The following ARHGAP33 variants were observed in gnomAD, a reference collection of about 807,000 sequenced individuals.
ARHGAP33 encodes rho GTPase-activating protein 33.
Under a neutral mutation model 126.2 loss-of-function variants are expected in ARHGAP33, and 57 were observed. The ratio of observed to expected loss-of-function variants is 0.45; its 90% CI spans 0.36 to 0.56. The LOEUF (loss-of-function observed/expected upper bound fraction) is 0.56. Among genes scored for constraint, ARHGAP33 ranks in the 20% least tolerant of loss-of-function variants. The probability of loss-of-function intolerance (pLI) is 0.00; values close to 1 mark genes in which losing one functional copy is unlikely to be tolerated. For synonymous variants in ARHGAP33, 711 were observed against 755.0 expected (o/e 0.94, Z 0.95); for missense variants, 1,500 against 1,748.3 (o/e 0.86, Z 2.53).
In ARHGAP33 at chr19:35,781,215, C is replaced by T. The variant is rs753227118; in HGVS notation, c.1048C>T (p.Arg350Trp). ...EAHGVVDGIY[R>W]LSGVSSNIQR... Reference sequence around the variant, plus strand: ...CCACGGGGTGGTGGATGGGATCTACCGGCTCTCAGGCGTGTCTTCCAACAT... The same window carrying T: ...CCACGGGGTGGTGGATGGGATCTACTGGCTCTCAGGCGTGTCTTCCAACAT... Residue 350 changes from arginine to tryptophan, a missense_variant, in exon 12 of 21, where the codon CGG becomes TGG. This residue lies in a region of ARHGAP33 where 281 missense variants were observed against 413.7 expected (regional missense o/e 0.68). Coordinates refer to ENST00000007510, the MANE Select transcript of ARHGAP33 (RefSeq NM_001366178.1). 6.2e-7 allele frequency: 1 copy of T among 1,614,082 alleles called. No homozygotes were observed. The highest frequency in any genetic ancestry group is 2.2e-5 in the East Asian group (1 of 44,870).
chr19:35,777,109 T>G (rs1046374648), intron 1 of ARHGAP33, among the ~76,000 whole-genome samples: 1 of 151,976 alleles, frequency 6.6e-6, no homozygotes, highest in African/African-American at 2.4e-5. Context: ...ACTGGAGAGG[T>G]AAACAGAAAT....
Position 35,787,814 on chromosome 19 carries a change from G to A in ARHGAP33, c.3249G>A (p.Glu1083=). 1.2e-6 allele frequency: 2 copies of A among 1,603,472 alleles called. No individual in the cohort carries two copies. The highest frequency in any genetic ancestry group is 8.5e-7 in the Non-Finnish European group (1 of 1,176,202). ...LGPPAPLDRG[E]NLYYEIGASE... is the part of the protein sequence containing the mutation. ...CCCCTGCACCACTCGACAGGGGAGA[G>A]AACCTGTACTATGAGATCGGGGCAA... The change falls in exon 21 of 21, where the codon GAG becomes GAA. Residue 1083 remains glutamate, a synonymous_variant. Transcript: ENST00000007510.
Position 35,780,804 on chromosome 19 carries a change from T to C in ARHGAP33, c.817T>C (p.Ser273Pro). ...CGIPAPQGIS[S>P]LTSAVPRPRG... is the part of the protein sequence containing the mutation. ...CATCCCGGCTCCCCAGGGTATCTCG[T>C]CTCTGACCTCAGGTAATAGAAATAG... Residue 273 changes from serine (S) to proline (P), a missense_variant, in exon 10 of 21, where the codon TCT becomes CCT. Coordinates refer to ENST00000007510, the MANE Select transcript of ARHGAP33 (RefSeq NM_001366178.1). 2 of 1,613,966 alleles carry C rather than the reference T, an allele frequency of 1.2e-6. No homozygotes were observed. Among genetic ancestry groups the C allele is most frequent in the Non-Finnish European group, 1.7e-6 (2 of 1,179,980 alleles).
Position 35,786,541 on chromosome 19 carries a change from T to A in ARHGAP33, c.2071T>A (p.Ser691Thr). Residue 691 changes from serine (S) to threonine (T), a missense_variant, in exon 20 of 21, where the codon TCC becomes ACC. Ser to Thr is a moderately conservative substitution (Grantham distance 58, BLOSUM62 1). Coordinates refer to ENST00000007510, the MANE Select transcript of ARHGAP33 (RefSeq NM_001366178.1). The surrounding 1 kb of genome is among the most constrained non-coding windows in gnomAD (Gnocchi z 7.0). ...SSSSESSSSE[S>T]SSSSSESSAA... ...CTCCTCCGAGTCCTCCTCCTCTGAG[T>A]CCTCCTCTTCCTCCTCTGAGTCCTC... The A allele has an allele frequency of 6.5e-7, 1 of 1,535,900 alleles. No individual in the cohort carries two copies. The highest frequency in any genetic ancestry group is 2.4e-5 in the East Asian group (1 of 40,888).
At chr19:35,777,328 A>G (rs2040161318) in intron 1 of ARHGAP33, among the ~76,000 whole-genome samples, 1 of 152,150 alleles carries the variant, frequency 6.6e-6, no homozygotes, top group Admixed American at 6.5e-5. Flanking sequence ...TTGTCTAGAC[A>G]GTGGTAGGAG....
At position 35,786,844 on chromosome 19, in the gene ARHGAP33, G is replaced by T; in HGVS notation, c.2374G>T (p.Ala792Ser). ...GCCCACCAGCCCCGCCTCGCCTGCT[G>T]CCCTAGACATCTCAGAGCCCCTGGC... is the stretch of plus-strand genomic sequence containing the variant. The part of the protein sequence containing the change: ...RGPTSPASPA[A>S]LDISEPLAVS... The change falls in exon 20 of 21, where the codon GCC becomes TCC. Residue 792 changes from alanine (A) to serine (S), a missense_variant. By Grantham distance (99) the Ala-to-Ser change is moderately conservative (BLOSUM62 1). This residue lies in a region of ARHGAP33 where 73 missense variants were observed against 110.8 expected (regional missense o/e 0.66). Transcript: ENST00000007510. The surrounding 1 kb of genome is among the most constrained non-coding windows in gnomAD (Gnocchi z 7.0). 1 of 1,585,556 alleles carries T rather than the reference G, an allele frequency of 6.3e-7. No individual in the cohort carries two copies.
At chr19:35,784,622 G>A (rs1353773342) in intron 16 of ARHGAP33, 13 of 481,906 alleles carry the variant, frequency 2.7e-5, no homozygotes, top group Non-Finnish European at 3.4e-5. Context: ...ACTTGACCCC[G>A]CCCCGGCCCC....
intron 1 of ARHGAP33, among the ~76,000 whole-genome samples, chr19:35,777,127 G>A (rs1343578677): frequency 6.6e-6 from 1 of 152,172 alleles, no homozygotes; most frequent in African/African-American, 2.4e-5. Flanking sequence ...AATCAGCTCA[G>A]GGAAGTCTCG....
intron 1 of ARHGAP33, among the ~76,000 whole-genome samples, chr19:35,776,730 C>A (rs949918013): frequency 2.0e-5 from 3 of 152,234 alleles, no homozygotes; most frequent in Non-Finnish European, 2.9e-5. Flanking sequence ...GGAGGCCGGT[C>A]ATAGTCCAAT....
intron 6 of ARHGAP33, 162 bp from the exon 7 acceptor site, chr19:35,780,049 G>A: frequency 1.0e-6 from 1 of 993,926 alleles, no homozygotes; most frequent in Non-Finnish European, 1.6e-6. Context: ...TGCCAGGGCT[G>A]CATCCCTACA....
At chr19:35,779,431 GT>G (rs573611584) in intron 6 of ARHGAP33, among the ~76,000 whole-genome samples, 5 of 151,912 alleles carry the variant, frequency 3.3e-5, no homozygotes, top group African/African-American at 4.8e-5. Context: ...AACCAGAGGG[GT>G]TTTTTTTCTT....
chr19:35,781,084 G>GGGGGCCCCCCCCC lies in ARHGAP33; in HGVS notation c.982+12_982+13insGGGGCCCCCCCCC. 6.2e-7 allele frequency: 1 copy of GGGGGCCCCCCCCC among 1,607,590 alleles called. No homozygotes were observed. On this transcript the variant is annotated intron_variant, in intron 11 of 20. Transcript: ENST00000007510. ...CTCAGGCCAGGATGGTGAGGCCGGG[G>GGGGGCCCCCCCCC]CCCACCCACCCCACCCGTCACACCA...
chr19:35,783,215 T>C lies in ARHGAP33; in HGVS notation c.1421+346T>C, dbSNP rs77215204. ...GAGTGGCAAGGGAGGCTTTGGCAGGTCTTCTGTGGCCAGCAGCAGAATAAG... is the reference window on the plus strand; with the variant it reads ...GAGTGGCAAGGGAGGCTTTGGCAGGCCTTCTGTGGCCAGCAGCAGAATAAG... On this transcript the variant is annotated intron_variant, in intron 15 of 20. Transcript: ENST00000007510. Among the ~76,000 whole-genome samples the C allele has an allele frequency of 7.3e-4, 111 of 152,222 alleles. No individual in the cohort carries two copies. The Middle Eastern group carries it at 0.01, about 14-fold the overall frequency.
chr19:35,775,649 C>A lies in ARHGAP33; in HGVS notation c.-10C>A, dbSNP rs758402129. The A allele has an allele frequency of 1.3e-6, 2 of 1,548,128 alleles. No homozygotes were observed. The highest frequency in any genetic ancestry group is 1.9e-5 in the Admixed American group (1 of 52,674). The stretch of plus-strand genomic sequence containing the variant: ...CGAGCGCGGCCGGGGCCTGAGGAGG[C>A]TACGCGACCATGGTGGTAAGGGTCC... On this transcript the variant is annotated 5_prime_UTR_variant, in exon 1 of 21. Transcript: ENST00000007510.
In ARHGAP33 at chr19:35,777,758, G is replaced by T; in HGVS notation, c.104+16G>T. ...CTGGGAAGAGGTGAGGGTGAGGGAGGAAAGGGCTCAGCTAGGAGCTGGGGA... is the reference window on the plus strand; with the variant it reads ...CTGGGAAGAGGTGAGGGTGAGGGAGTAAAGGGCTCAGCTAGGAGCTGGGGA... On this transcript the variant is annotated intron_variant, in intron 2 of 20. Coordinates refer to ENST00000007510, the MANE Select transcript of ARHGAP33 (RefSeq NM_001366178.1). 6.2e-7 allele frequency: 1 copy of T among 1,613,538 alleles called. No homozygotes were observed. The highest frequency in any genetic ancestry group is 1.7e-4 in the Middle Eastern group (1 of 6,056).
intron 19 of ARHGAP33, 179 bp downstream of exon 19, chr19:35,785,662 A>G (rs1972074900): frequency 4.2e-6 from 6 of 1,433,034 alleles, no homozygotes; most frequent in Middle Eastern, 2.6e-4. Context: ...TTGGTTCATC[A>G]CACACTGAAC....
In ARHGAP33 at chr19:35,782,632, G is replaced by C; in HGVS notation, c.1266G>C (p.Leu422=). ...CAGTGCCTGGGGAGGAGGAGCGTCT[G>C]GTGCGGGTGCACGATGTCATCCAGC... The part of the protein sequence containing the change: ...AMSVPGEEER[L]VRVHDVIQQL... The change falls in exon 14 of 21, where the codon CTG becomes CTC. Residue 422 remains leucine, a synonymous_variant. Transcript: ENST00000007510. This position sits in a 1 kb window ranked among gnomAD's most constrained non-coding sequence, Gnocchi z 4.1. 2.5e-6 allele frequency: 4 copies of C among 1,613,126 alleles called. No individual in the cohort carries two copies. Among genetic ancestry groups the C allele is most frequent in the Non-Finnish European group, 3.4e-6 (4 of 1,179,634 alleles).
At position 35,784,259 on chromosome 19, in the gene ARHGAP33, C is replaced by T; in HGVS notation, c.1509C>T (p.Leu503=). ...AGTCGGTGGTGGTGGAGTTTCTGCT[C>T]ACCCATGTGGACGTCCTGTTCAGCG... ...RVQSVVVEFL[L]THVDVLFSDT... is the part of the protein sequence containing the mutation. Residue 503 remains leucine, a synonymous_variant, in exon 16 of 21, where the codon CTC becomes CTT. Transcript: ENST00000007510. The T allele has an allele frequency of 6.2e-7, 1 of 1,611,964 alleles. No homozygotes were observed. The highest frequency in any genetic ancestry group is 8.5e-7 in the Non-Finnish European group (1 of 1,178,808).
chr19:35,784,857 TGCTGCGGGGCCGGG>T, intron 16 of ARHGAP33, 82 bp from the exon 17 acceptor site: 1 of 1,362,584 alleles, frequency 7.3e-7, no homozygotes, highest in South Asian at 1.6e-5. Context: ...CGGGTGGGCA[TGCTGCGGGGCCGGG>T]GCTTGGGCTG....
Sources: gnomAD v4.1 joint callset for allele counts (sites outside exome capture counted in the v4.1 genomes callset) on GRCh38, gnomAD v4.1.1 for gene constraint, gnomAD v4.1.1 regional missense constraint, Gnocchi (gnomAD v3.1) non-coding constraint, MANE v1.5 for transcripts, NCBI Gene and HGNC (gene_info 2026-07-23, HGNC 2026-07-21) for gene names.